The following SLMAP variants were observed in gnomAD, a reference collection of about 807,000 sequenced individuals.
SLMAP encodes the protein sarcolemmal membrane-associated protein.
Under a neutral mutation model 128.8 loss-of-function variants are expected in SLMAP, and 44 were observed. That is an observed-to-expected ratio of 0.34 (90% CI 0.27 to 0.44). The LOEUF (loss-of-function observed/expected upper bound fraction) is 0.44, where lower values mean the gene tolerates loss of function less well. SLMAP is among the 20% of genes least tolerant of loss of function. The pLI, the probability that SLMAP is intolerant of heterozygous loss-of-function variation, is 1.00. For synonymous variants in SLMAP, 327 were observed against 348.8 expected, an observed-to-expected ratio of 0.94 and a Z score of 0.70; for missense variants, 787 against 985.3, an observed-to-expected ratio of 0.80 and a Z score of 2.69.
chr3:57,892,246 G>A lies in SLMAP; in HGVS notation c.1360+2146G>A, dbSNP rs957224313. ...TTGTCTTTAATTGGCAATGTTTTTGGTGGAATTTTCTTGTTTGGACTGAAA... is the reference window on the plus strand; with the variant it reads ...TTGTCTTTAATTGGCAATGTTTTTGATGGAATTTTCTTGTTTGGACTGAAA... On this transcript the variant is annotated intron_variant, in intron 15 of 24. Coordinates refer to ENST00000671191, the MANE Select transcript of SLMAP (RefSeq NM_001377540.1). 2.2e-4 allele frequency among the ~76,000 whole-genome samples: 33 copies of A among 152,054 alleles called. 1 individual carries two copies. Among genetic ancestry groups the A allele is most frequent in the Non-Finnish European group, 4.4e-5 (3 of 68,012 alleles).
chr3:57,905,594 C>A (rs2096514258), intron 17 of SLMAP, among the ~76,000 whole-genome samples: 2 of 152,220 alleles, frequency 1.3e-5, no homozygotes, highest in South Asian at 4.2e-4. Context: ...GGGATTAATT[C>A]TATCTTACCT....
chr3:57,905,832 G>A (rs2096523071), intron 17 of SLMAP, among the ~76,000 whole-genome samples: 1 of 151,890 alleles, frequency 6.6e-6, no homozygotes, highest in Non-Finnish European at 1.5e-5. Context: ...GGGACATTTG[G>A]CAATATCTGA....
In SLMAP at chr3:57,921,014, C is replaced by CT. The variant is rs1399767006; in HGVS notation, c.2311-1874dup. ...CCTGGGTGACAGAGTGAGACTCAGTCTAAAAAAAAAAAAGAGGGATGGCAG... is the reference window on the plus strand; with the variant it reads ...CCTGGGTGACAGAGTGAGACTCAGTCTTAAAAAAAAAAAAGAGGGATGGCAG... On this transcript the variant is annotated intron_variant, in intron 22 of 24. Coordinates refer to ENST00000671191, the MANE Select transcript of SLMAP (RefSeq NM_001377540.1). Among the ~76,000 whole-genome samples, 22 of 149,354 alleles carry CT rather than the reference C, an allele frequency of 1.5e-4. No homozygotes were observed. In the South Asian group the frequency reaches 2.1e-3, roughly 14 times the overall value.
intron 2 of SLMAP, among the ~76,000 whole-genome samples, chr3:57,807,150 C>T (rs780594014): frequency 7.9e-5 from 12 of 152,046 alleles, no homozygotes; most frequent in Admixed American, 7.2e-4. Flanking sequence ...ATTTGTTGGC[C>T]GCGTAAATGT....
chr3:57,842,202 G>C (rs1432177305), intron 4 of SLMAP, among the ~76,000 whole-genome samples: 3 of 152,096 alleles, frequency 2.0e-5, no homozygotes, highest in Non-Finnish European at 2.9e-5. Context: ...AGCAGAGCGA[G>C]GCCCTCCCAT....
intron 2 of SLMAP, among the ~76,000 whole-genome samples, chr3:57,767,112 T>C (rs376531881): frequency 1.3e-5 from 2 of 151,936 alleles, no homozygotes; most frequent in South Asian, 2.1e-4. Flanking sequence ...AGAGATGGGA[T>C]TTCACCATGT....
chr3:57,927,905 T>C lies in SLMAP; in HGVS notation c.*616T>C, dbSNP rs1049275723. The C allele has an allele frequency of 1.3e-5, 2 of 152,556 alleles. No homozygotes were observed. Among genetic ancestry groups the C allele is most frequent in the African/African-American group, 4.8e-5 (2 of 41,436 alleles). The allele number at this position is 152,556 out of a possible 1,614,324, so 9.5% of individuals were successfully genotyped here. A position where few individuals can be genotyped will look rare whatever the true frequency, so the allele number is the denominator to read the frequency against. On this transcript the variant is annotated 3_prime_UTR_variant, in exon 25 of 25. Transcript: ENST00000671191. ...TTTACTTGTTATGAAACCACTGAGC[T>C]ATTGGGAACAAGACTTAGAGACAAC... is the stretch of plus-strand genomic sequence containing the variant.
intron 17 of SLMAP, among the ~76,000 whole-genome samples, chr3:57,906,269 A>G (rs1339296533): frequency 8.0e-6 from 1 of 124,554 alleles, no homozygotes; most frequent in African/African-American, 2.8e-5. Flanking sequence ...TAAGTTGACT[A>G]GAGTAGCTGA....
chr3:57,914,805 C>G (rs887687563), intron 21 of SLMAP, among the ~76,000 whole-genome samples: 2 of 151,982 alleles, frequency 1.3e-5, no homozygotes, highest in Non-Finnish European at 2.9e-5. Context: ...TGTTCTCAAA[C>G]TCCTGACCTC....
intron 15 of SLMAP, among the ~76,000 whole-genome samples, chr3:57,893,486 T>C (rs905012147): frequency 2.0e-5 from 3 of 151,742 alleles, no homozygotes; most frequent in Non-Finnish European, 2.9e-5. Context: ...CAGGGAGTTA[T>C]ATTCCAATGA....
At chr3:57,921,472 C>T (rs2096916836) in intron 22 of SLMAP, among the ~76,000 whole-genome samples, 1 of 151,842 alleles carries the variant, frequency 6.6e-6, no homozygotes, top group Non-Finnish European at 1.5e-5. Context: ...ACTAAAAGTA[C>T]AAAACATACC....
chr3:57,783,355 A>C (rs1250482703), intron 2 of SLMAP, among the ~76,000 whole-genome samples: 1 of 152,222 alleles, frequency 6.6e-6, no homozygotes. Context: ...TCTTACTGGA[A>C]ACAGGAGTAA....
chr3:57,798,495 A>G (rs1010613071), intron 2 of SLMAP, among the ~76,000 whole-genome samples: 7 of 152,068 alleles, frequency 4.6e-5, no homozygotes, highest in Admixed American at 2.6e-4. Flanking sequence ...GGTTGTAGCT[A>G]TTTTTCCTCA....
At chr3:57,883,170 T>A (rs923071123) in intron 14 of SLMAP, among the ~76,000 whole-genome samples, 1 of 152,146 alleles carries the variant, frequency 6.6e-6, no homozygotes, top group Non-Finnish European at 1.5e-5. Context: ...CAATATACCT[T>A]AAGAGAGATA....
intron 6 of SLMAP, among the ~76,000 whole-genome samples, chr3:57,857,204 C>G (rs992208246): frequency 6.6e-6 from 1 of 152,042 alleles, no homozygotes; most frequent in African/African-American, 2.4e-5. Flanking sequence ...GTTAGAGAAC[C>G]TCTAATAGCA....
At position 57,841,273 on chromosome 3, in the gene SLMAP, C is replaced by A. The variant is rs750668899; in HGVS notation, c.347-26C>A. The A allele has an allele frequency of 3.7e-6, 5 of 1,361,002 alleles. No homozygotes were observed. The Admixed American group carries it at 5.8e-5, about 16-fold the overall frequency. The allele number at this position is 1,361,002 out of a possible 1,614,324, so 84.3% of individuals were successfully genotyped here. A position where few individuals can be genotyped will look rare whatever the true frequency, so the allele number is the denominator to read the frequency against. On this transcript the variant is annotated intron_variant, in intron 3 of 24. Transcript: ENST00000671191. ...TTATATTTTTAAACAATTATTTCATCCATATTATTTGTTTGTTTCAACCAG... is the reference window on the plus strand; with the variant it reads ...TTATATTTTTAAACAATTATTTCATACATATTATTTGTTTGTTTCAACCAG...
chr3:57,861,178 G>A (rs2095042056), intron 9 of SLMAP, among the ~76,000 whole-genome samples: 5 of 148,670 alleles, frequency 3.4e-5, no homozygotes, highest in African/African-American at 1.2e-4. Flanking sequence ...ATTTGAGGGG[G>A]GTCAGTGTAA....
At chr3:57,884,957 C>T (rs1300630261) in intron 14 of SLMAP, among the ~76,000 whole-genome samples, 1 of 151,976 alleles carries the variant, frequency 6.6e-6, no homozygotes, top group East Asian at 1.9e-4. Flanking sequence ...CAAGATCAGA[C>T]TTTTGAGGAA....
At chr3:57,778,449 AT>A (rs916436888) in intron 2 of SLMAP, among the ~76,000 whole-genome samples, 6 of 127,450 alleles carry the variant, frequency 4.7e-5, no homozygotes, top group African/African-American at 1.8e-4. Flanking sequence ...TTTTTGGTAG[AT>A]TTTTTTCTAT....
Sources: allele counts gnomAD v4.1 joint callset (sites outside exome capture counted in the v4.1 genomes callset), GRCh38; gene constraint gnomAD v4.1.1; transcripts MANE v1.5; gene names NCBI Gene and HGNC (gene_info 2026-07-23, HGNC 2026-07-21).